The following NETO2 variants were observed in gnomAD, a reference collection of about 807,000 sequenced individuals.
NETO2 encodes neuropilin and tolloid-like protein 2.
A neutral mutation model predicts 62.5 loss-of-function variants in NETO2; 28 were observed. The observed-to-expected ratio is 0.45, with a 90% confidence interval of 0.33 to 0.61. The LOEUF (loss-of-function observed/expected upper bound fraction) is 0.61, where lower values mean the gene tolerates loss of function less well. Ranked by LOEUF, NETO2 falls within the 20% of genes least tolerant of loss-of-function variation. NETO2 has a pLI of 0.02. For synonymous variants in NETO2, 214 were observed against 219.1 expected (o/e 0.98, Z 0.21); for missense variants, 548 against 643.2 (o/e 0.85, Z 1.60).
rs1439483658 is a variant in NETO2 at position 47,128,693 on chromosome 16, G to C, written c.233-120C>G. 17 of 1,043,234 alleles carry C rather than the reference G, an allele frequency of 1.6e-5. No homozygotes were observed. In the East Asian group the frequency reaches 3.8e-4, roughly 23 times the overall value. The allele number at this position is 1,043,234 out of a possible 1,614,324, so 64.6% of individuals were successfully genotyped here. A position where few individuals can be genotyped will look rare whatever the true frequency, so the allele number is the denominator to read the frequency against. ...AACTGCTTCATAGACAAAGGTCTTA[G>C]TGAGAATTGCTATACAAGTCATGAT... is the stretch of plus-strand genomic sequence containing the variant. On this transcript the variant is annotated intron_variant, in intron 3 of 8. Transcript: ENST00000562435.
rs1013536950 is a variant in NETO2 at position 47,125,750 on chromosome 16, G to A, written c.481+2575C>T. Among the ~76,000 whole-genome samples, 7 of 152,162 alleles carry A rather than the reference G, an allele frequency of 4.6e-5. No individual in the cohort carries two copies. The East Asian group carries it at 1.4e-3, about 29-fold the overall frequency. On this transcript the variant is annotated intron_variant, in intron 4 of 8. Transcript: ENST00000562435. Reference sequence around the variant, plus strand: ...CTGTCATCCAGGCTGGAGTGCAGTGGTGTGATCATAGCTCACTATAACTTT... The same window carrying A: ...CTGTCATCCAGGCTGGAGTGCAGTGATGTGATCATAGCTCACTATAACTTT...
Position 47,080,499 on chromosome 16 carries a change from C to G in NETO2, c.*2722G>C. The G allele has an allele frequency of 6.6e-6, 1 of 152,152 alleles. No individual in the cohort carries two copies. Among genetic ancestry groups the G allele is most frequent in the Admixed American group, 6.5e-5 (1 of 15,274 alleles). 9.4% of individuals were successfully genotyped at this position (152,152 alleles called of 1,614,324 possible). ...ATTTATAAAGTTTTCTCACTGATCT[C>G]AAAGATTAAAGGCTGTATATACAGC... On this transcript the variant is annotated 3_prime_UTR_variant, in exon 9 of 9. Coordinates refer to ENST00000562435, the MANE Select transcript of NETO2 (RefSeq NM_018092.5).
At position 47,107,247 on chromosome 16, in the gene NETO2, A is replaced by ACCT. The variant is rs572655762; in HGVS notation, c.883+2233_883+2235dup. Among the ~76,000 whole-genome samples the ACCT allele has an allele frequency of 1.4e-3, 218 of 152,324 alleles. 2 individuals carry two copies. In the South Asian group the frequency reaches 0.016, roughly 11 times the overall value. On this transcript the variant is annotated intron_variant, in intron 7 of 8. Transcript: ENST00000562435. ...GGCAGAGAATGAAGGAGGCAAGGAC[A>ACCT]CCTCCAAGTGTCCCTCTTGGGATGT...
chr16:47,082,379 T>C lies in NETO2; in HGVS notation c.*842A>G, dbSNP rs1227921372. On this transcript the variant is annotated 3_prime_UTR_variant, in exon 9 of 9. Transcript: ENST00000562435. ...TCCCAAAGTGAATGAAATGATTCTT[T>C]ACTGGAATGAATGGGCTGTCACTGA... 6.6e-6 allele frequency: 1 copy of C among 152,242 alleles called. No homozygotes were observed. Among genetic ancestry groups the C allele is most frequent in the African/African-American group, 2.4e-5 (1 of 41,468 alleles). 9.4% of individuals were successfully genotyped at this position (152,242 alleles called of 1,614,324 possible).
intron 7 of NETO2, among the ~76,000 whole-genome samples, chr16:47,108,992 TA>T (rs534422074): frequency 2.8e-4 from 43 of 152,230 alleles, no homozygotes; most frequent in Admixed American, 7.2e-4. Context: ...ACTACTAAGT[TA>T]GAAAATCTTG....
chr16:47,132,961 T>C (rs1021939311), intron 1 of NETO2, among the ~76,000 whole-genome samples: 1 of 152,196 alleles, frequency 6.6e-6, no homozygotes, highest in Non-Finnish European at 1.5e-5. Flanking sequence ...GACGTATAAA[T>C]AGGTCAACCT....
chr16:47,094,345 A>T (rs946904778), intron 7 of NETO2, among the ~76,000 whole-genome samples: 2 of 151,626 alleles, frequency 1.3e-5, no homozygotes, highest in African/African-American at 4.9e-5. Context: ...TAACAGAAAC[A>T]GTTTTTCCTG....
At chr16:47,143,303 G>T (rs966484187) in intron 1 of NETO2, among the ~76,000 whole-genome samples, 4 of 151,996 alleles carry the variant, frequency 2.6e-5, no homozygotes, top group Non-Finnish European at 5.9e-5. Context: ...GGGCCCAGGG[G>T]CCTCCTGGCC....
At position 47,126,892 on chromosome 16, in the gene NETO2, A is replaced by C. The variant is rs8049560; in HGVS notation, c.481+1433T>G. ...AAATTTTTAAAAAGAGCAGATAAAC[A>C]CTGAAGCCAAGCTTAAAATTTCCTA... On this transcript the variant is annotated intron_variant, in intron 4 of 8. Coordinates refer to ENST00000562435, the MANE Select transcript of NETO2 (RefSeq NM_018092.5). Among the ~76,000 whole-genome samples, 362 of 152,334 alleles carry C rather than the reference A, an allele frequency of 2.4e-3. 3 individuals carry two copies. The highest frequency in any genetic ancestry group is 8.5e-3 in the African/African-American group (353 of 41,566).
chr16:47,124,436 A>T (rs1268235711), intron 4 of NETO2, among the ~76,000 whole-genome samples: 2 of 152,220 alleles, frequency 1.3e-5, no homozygotes, highest in East Asian at 3.8e-4. Context: ...AGAGAATTTC[A>T]TTAAAAAAAA....
chr16:47,139,686 A>G (rs1964426347), intron 1 of NETO2, among the ~76,000 whole-genome samples: 1 of 152,234 alleles, frequency 6.6e-6, no homozygotes. Context: ...TTACTAGTTA[A>G]GAACAAAGAT....
chr16:47,120,950 A>C (rs1217822629), intron 6 of NETO2, among the ~76,000 whole-genome samples: 2 of 151,868 alleles, frequency 1.3e-5, no homozygotes, highest in Non-Finnish European at 2.9e-5. Context: ...ACATGGTAAC[A>C]AGGCTGGAGG....
At chr16:47,090,233 T>C (rs978716278) in intron 7 of NETO2, among the ~76,000 whole-genome samples, 1 of 152,228 alleles carries the variant, frequency 6.6e-6, no homozygotes, top group Non-Finnish European at 1.5e-5. Flanking sequence ...ATAAATTCTT[T>C]ACAACTGCTC....
intron 6 of NETO2, among the ~76,000 whole-genome samples, chr16:47,118,060 T>C (rs1963957005): frequency 6.6e-6 from 1 of 152,232 alleles, no homozygotes; most frequent in African/African-American, 2.4e-5. Flanking sequence ...TTTCATTGTA[T>C]CTTGGACATT....
chr16:47,090,333 C>T (rs552259715), intron 7 of NETO2, among the ~76,000 whole-genome samples: 1 of 152,174 alleles, frequency 6.6e-6, no homozygotes, highest in East Asian at 1.9e-4. Context: ...ATTACACCTA[C>T]ATTAACCTTT....
chr16:47,082,945 C>T lies in NETO2; in HGVS notation c.*276G>A, dbSNP rs1404737138. Reference sequence around the variant, plus strand: ...GCCTGAGCCTGGCTCCATCCAACCACCTCTTCTAATGCTCTTTAACTGGCA... The same window carrying T: ...GCCTGAGCCTGGCTCCATCCAACCATCTCTTCTAATGCTCTTTAACTGGCA... On this transcript the variant is annotated 3_prime_UTR_variant, in exon 9 of 9. Transcript: ENST00000562435. The T allele has an allele frequency of 3.1e-6, 1 of 326,946 alleles. No homozygotes were observed. Among genetic ancestry groups the T allele is most frequent in the African/African-American group, 2.1e-5 (1 of 47,174 alleles). The allele number at this position is 326,946 out of a possible 1,614,324, so 20.3% of individuals were successfully genotyped here.
chr16:47,131,624 A>T (rs1202563376), intron 2 of NETO2, among the ~76,000 whole-genome samples: 3 of 152,222 alleles, frequency 2.0e-5, no homozygotes, highest in Non-Finnish European at 4.4e-5. Flanking sequence ...TTTGAATAAG[A>T]TATTAATTGA....
chr16:47,083,659 G>A lies in NETO2; in HGVS notation c.1140C>T (p.Cys380=). The change falls in exon 9 of 9, where the codon TGC becomes TGT. Residue 380 remains cysteine, a synonymous_variant. Transcript: ENST00000562435. ...ACCCGGTTTTATTAAAAGCGGTTTT[G>A]CAAGCCATGACCTTTTTTCGAGGCT... The part of the protein sequence containing the change: ...VKQPRKKVMA[C]KTAFNKTGFQ... 6.2e-7 allele frequency: 1 copy of A among 1,614,198 alleles called. No homozygotes were observed. The highest frequency in any genetic ancestry group is 1.3e-5 in the African/African-American group (1 of 75,046).
intron 7 of NETO2, among the ~76,000 whole-genome samples, chr16:47,101,503 T>G (rs1476477673): frequency 6.6e-6 from 1 of 152,232 alleles, no homozygotes; most frequent in Non-Finnish European, 1.5e-5. Context: ...TTGTCTCTGT[T>G]TGCAGATGAC....
Sources: gnomAD v4.1 joint callset for allele counts (sites outside exome capture counted in the v4.1 genomes callset) on GRCh38, gnomAD v4.1.1 for gene constraint, MANE v1.5 for transcripts, NCBI Gene and HGNC (gene_info 2026-07-23, HGNC 2026-07-21) for gene names.